ADGRD1: variants seen among roughly 807,000 people sequenced by gnomAD.
The protein encoded by ADGRD1 is G-protein coupled receptor 133.
A neutral mutation model predicts 113.4 loss-of-function variants in ADGRD1; 77 were observed. The observed-to-expected ratio is 0.68, with a 90% CI of 0.57 to 0.82. The LOEUF is 0.82. ADGRD1 is among the 40% of genes least tolerant of loss of function. The pLI is 0.00. For synonymous variants in ADGRD1, 474 were observed against 475.0 expected, an observed-to-expected ratio of 1.00 and a Z score of 0.03; for missense variants, 1,036 against 1,139.1, an observed-to-expected ratio of 0.91 and a Z score of 1.30.
At chr12:131,005,813 G>T (rs1206135362) in intron 11 of ADGRD1, among the ~76,000 whole-genome samples, 159 bp from the exon 12 acceptor site, 1 of 151,874 alleles carries the variant, frequency 6.6e-6, no homozygotes, top group Non-Finnish European at 1.5e-5. Flanking sequence ...CAGAGTCTTT[G>T]TCCTTGCAAA....
intron 2 of ADGRD1, chr12:130,957,407 A>G (rs1869768882): frequency 6.8e-6 from 1 of 147,682 alleles, no homozygotes; most frequent in African/African-American, 2.4e-5. Context: ...ACACACGTAC[A>G]CCCCACACAC....
intron 13 of ADGRD1, among the ~76,000 whole-genome samples, chr12:131,032,555 C>T (rs1016783828): frequency 2.6e-5 from 4 of 152,198 alleles, no homozygotes; most frequent in African/African-American, 7.2e-5. Flanking sequence ...CAGCAGTGAG[C>T]GGAGAGGGCT....
chr12:131,090,083 G>C (rs1211117930), intron 15 of ADGRD1, among the ~76,000 whole-genome samples: 4 of 152,194 alleles, frequency 2.6e-5, no homozygotes, highest in African/African-American at 9.7e-5. Flanking sequence ...GGACAGAGAC[G>C]ACTTACGGTC....
intron 13 of ADGRD1, among the ~76,000 whole-genome samples, chr12:131,058,062 G>T (rs1227548949): frequency 6.6e-6 from 1 of 152,198 alleles, no homozygotes; most frequent in Non-Finnish European, 1.5e-5. Context: ...CAGAAGTTTA[G>T]AGCAAGAGGG....
intron 13 of ADGRD1, among the ~76,000 whole-genome samples, chr12:131,072,170 G>A (rs964406868): frequency 2.0e-5 from 3 of 151,710 alleles, no homozygotes; most frequent in Non-Finnish European, 4.4e-5. Context: ...TGAGAATCAG[G>A]TGTCTGCGGG....
rs1003506237 is a variant in ADGRD1 at position 130,984,319 on chromosome 12, G to A, written c.490+2256G>A. ...GGGGGAGGTGAGTAGGGGCCACCTCGTGATGGGGCAGCCGCCCTTCCACGC... is the reference window on the plus strand; with the variant it reads ...GGGGGAGGTGAGTAGGGGCCACCTCATGATGGGGCAGCCGCCCTTCCACGC... On this transcript the variant is annotated intron_variant, in intron 5 of 24. Transcript: ENST00000261654. This position sits in a 1 kb window ranked among gnomAD's most constrained non-coding sequence, Gnocchi z 4.1. 3.3e-5 allele frequency among the ~76,000 whole-genome samples: 5 copies of A among 152,256 alleles called. No homozygotes were observed. The highest frequency in any genetic ancestry group is 3.9e-4 in the East Asian group (2 of 5,182).
intron 13 of ADGRD1, among the ~76,000 whole-genome samples, chr12:131,034,455 G>A (rs928173756): frequency 6.6e-6 from 1 of 152,220 alleles, no homozygotes. Context: ...CTGGAAGGCG[G>A]CACTGTCTTA....
At chr12:131,111,097 C>CT (rs34797050) in intron 18 of ADGRD1, among the ~76,000 whole-genome samples, 50 of 147,440 alleles carry the variant, frequency 3.4e-4, no homozygotes, top group East Asian at 3.9e-4. Context: ...ATTGTGTTTA[C>CT]TTTTTTTTTT....
intron 13 of ADGRD1, among the ~76,000 whole-genome samples, chr12:131,052,924 C>G (rs373941126): frequency 6.6e-6 from 1 of 152,166 alleles, no homozygotes; most frequent in African/African-American, 2.4e-5. Flanking sequence ...GTGGAGAACA[C>G]GACACTGTCT....
intron 3 of ADGRD1, chr12:130,967,661 T>A (rs1871156339): frequency 6.6e-6 from 1 of 152,318 alleles, no homozygotes; most frequent in African/African-American, 2.4e-5. Flanking sequence ...GCTTCTGAAA[T>A]GTTTCCTTAA....
chr12:131,128,634 TTTCCACCCTCCC>T (rs1950806637), intron 20 of ADGRD1, among the ~76,000 whole-genome samples: 2 of 152,216 alleles, frequency 1.3e-5, no homozygotes, highest in African/African-American at 4.8e-5. Context: ...CATTCCCTGG[TTTCCACCCTCCC>T]TCCAAACAGG....
chr12:131,015,872 A>G (rs919601123), intron 13 of ADGRD1, among the ~76,000 whole-genome samples: 3 of 152,212 alleles, frequency 2.0e-5, no homozygotes, highest in African/African-American at 7.2e-5. Flanking sequence ...TCAAACACAC[A>G]GATCAGGTGG....
chr12:131,086,829 C>T (rs1431569334), intron 15 of ADGRD1, among the ~76,000 whole-genome samples: 2 of 152,226 alleles, frequency 1.3e-5, no homozygotes, highest in African/African-American at 2.4e-5. Flanking sequence ...TCACAAAATG[C>T]ATGCTTGATG....
intron 13 of ADGRD1, among the ~76,000 whole-genome samples, chr12:131,031,500 T>C (rs1195887): frequency 0.9 from 136,586 of 152,058 alleles, 62,529 homozygotes; most frequent in East Asian, 1. Flanking sequence ...GAGTCACCCA[T>C]TGCTCACAGC....
At chr12:131,093,951 AC>A in intron 15 of ADGRD1, among the ~76,000 whole-genome samples, 2 of 130,232 alleles carry the variant, frequency 1.5e-5, no homozygotes, top group African/African-American at 5.9e-5. Context: ...CCTCAGCAGC[AC>A]CCAGCCTCAG....
At chr12:131,103,058 C>T (rs947711592) in intron 15 of ADGRD1, among the ~76,000 whole-genome samples, 1 of 152,226 alleles carries the variant, frequency 6.6e-6, no homozygotes, top group Admixed American at 6.5e-5. Context: ...GCCCTGGCCA[C>T]GCAGTGCCCA....
Position 131,022,334 on chromosome 12 carries a change from C to T in ADGRD1, c.1473+7994C>T, listed in dbSNP as rs1326898955. On this transcript the variant is annotated intron_variant, in intron 13 of 24. Coordinates refer to ENST00000261654, the MANE Select transcript of ADGRD1 (RefSeq NM_198827.5). This position sits in a 1 kb window ranked among gnomAD's most constrained non-coding sequence, Gnocchi z 4.6. ...GTGGTGGGGAGATACCGTGAAACTA[C>T]ACAACCTTCCTTCAGCTCATCTTCC... Among the ~76,000 whole-genome samples the T allele has an allele frequency of 3.3e-5, 5 of 152,314 alleles. No homozygotes were observed. The highest frequency in any genetic ancestry group is 6.5e-5 in the Admixed American group (1 of 15,306).
At position 131,022,212 on chromosome 12, in the gene ADGRD1, G is replaced by A. The variant is rs147485182; in HGVS notation, c.1473+7872G>A. Among the ~76,000 whole-genome samples the A allele has an allele frequency of 2.8e-4, 43 of 152,184 alleles. 1 individual carries two copies. The highest frequency in any genetic ancestry group is 8.9e-4 in the African/African-American group (37 of 41,508). ...TGGGATGTGAATGCTCATTGTTGCC[G>A]GTAACGCTCACGTGGATGGCATGAG... On this transcript the variant is annotated intron_variant, in intron 13 of 24. Transcript: ENST00000261654. The surrounding 1 kb of genome is among the most constrained non-coding windows in gnomAD (Gnocchi z 4.6).
chr12:130,992,376 C>A lies in ADGRD1; in HGVS notation c.950C>A (p.Ala317Asp). The change falls in exon 8 of 25, where the codon GCC becomes GAC. Residue 317 changes from alanine (A) to aspartate (D), a missense_variant. Ala to Asp is a moderately radical substitution (Grantham distance 126, BLOSUM62 -2). Coordinates refer to ENST00000261654, the MANE Select transcript of ADGRD1 (RefSeq NM_198827.5). ...AGTAAGTCCCTCTCGGAGCAGACAG[C>A]CTTGAATCTCACCAAGGTAAGGCTA... ...LPSKSLSEQT[A>D]LNLTKTFLKA... The A allele has an allele frequency of 1.2e-6, 2 of 1,613,444 alleles. No homozygotes were observed. Among genetic ancestry groups the A allele is most frequent in the South Asian group, 2.2e-5 (2 of 90,928 alleles).
Sources: gnomAD v4.1 joint callset for allele counts (sites outside exome capture counted in the v4.1 genomes callset) on GRCh38, gnomAD v4.1.1 for gene constraint, Gnocchi (gnomAD v3.1) non-coding constraint, MANE v1.5 for transcripts, NCBI Gene and HGNC (gene_info 2026-07-23, HGNC 2026-07-21) for gene names.